The following ADCY9 variants were observed in gnomAD, a reference collection of about 807,000 sequenced individuals.
ADCY9 encodes adenylate cyclase type 9.
ADCY9 carries 50 observed loss-of-function variants against 101.5 expected under a neutral mutation model. The observed-to-expected ratio is 0.49, with a 90% CI of 0.39 to 0.62. The LOEUF (loss-of-function observed/expected upper bound fraction) is 0.62. ADCY9 is among the 20% of genes least tolerant of loss of function. The pLI is 0.00. For missense variants in ADCY9, 1,662 were observed against 1,800.4 expected, an observed-to-expected ratio of 0.92 and a Z score of 1.39; for synonymous variants, 905 against 769.3, an observed-to-expected ratio of 1.18 and a Z score of -2.92.
At chr16:4,081,807 C>A (rs2056904715) in intron 2 of ADCY9, among the ~76,000 whole-genome samples, 1 of 132,384 alleles carries the variant, frequency 7.6e-6, no homozygotes, top group Non-Finnish European at 1.6e-5. Flanking sequence ...TGGGTAAGAG[C>A]AAGAGGGGGG....
chr16:4,097,049 G>C (rs1014983943), intron 2 of ADCY9, among the ~76,000 whole-genome samples: 1 of 152,066 alleles, frequency 6.6e-6, no homozygotes, highest in Admixed American at 6.6e-5. Context: ...ATATTATTAA[G>C]ATAAATATAC....
intron 9 of ADCY9, among the ~76,000 whole-genome samples, chr16:3,976,761 G>A (rs906773455): frequency 1.3e-5 from 2 of 152,130 alleles, no homozygotes; most frequent in Non-Finnish European, 1.5e-5. Context: ...GGGTACAAGC[G>A]GTTCTCCTAC....
chr16:4,086,942 G>A (rs1023653780), intron 2 of ADCY9, among the ~76,000 whole-genome samples: 1 of 152,084 alleles, frequency 6.6e-6, no homozygotes, highest in African/African-American at 2.4e-5. Context: ...TTACAGGCGT[G>A]AGCCACCACG....
chr16:4,084,740 A>G (rs1014326528), intron 2 of ADCY9, among the ~76,000 whole-genome samples: 1 of 151,798 alleles, frequency 6.6e-6, no homozygotes. Flanking sequence ...AAAAACAAAA[A>G]CAAACAAACA....
At chr16:4,075,325 G>C (rs1297214488) in intron 2 of ADCY9, among the ~76,000 whole-genome samples, 1 of 152,196 alleles carries the variant, frequency 6.6e-6, no homozygotes, top group Non-Finnish European at 1.5e-5. Context: ...TTTTAGTAGA[G>C]ATGGGGTTTT....
rs987061398 is a variant in ADCY9 at position 4,070,712 on chromosome 16, G to A, written c.1693+43038C>T. Among the ~76,000 whole-genome samples the A allele has an allele frequency of 4.0e-5, 6 of 151,642 alleles. No homozygotes were observed. The South Asian group carries it at 1.0e-3, about 26-fold the overall frequency. The stretch of plus-strand genomic sequence containing the variant: ...TGTAATCCTATCACTTTGGGAGGCC[G>A]AGGCAGGAGGACTACTTGACCCCAG... On this transcript the variant is annotated intron_variant, in intron 2 of 10. Transcript: ENST00000294016.
At position 3,966,634 on chromosome 16, in the gene ADCY9, C is replaced by CT. The variant is rs1310801475; in HGVS notation, c.3202dup (p.Ser1068LysfsTer26). On this transcript the variant is annotated frameshift_variant, in exon 11 of 11. Coordinates refer to ENST00000294016, the MANE Select transcript of ADCY9 (RefSeq NM_001116.4). LOFTEE classifies it high-confidence loss of function. ...CTCGTAGTTCTCCTCGTAGAACTCGCTGAAGTTGACGATGCTGGCGAAGAT... is the reference window on the plus strand; with the variant it reads ...CTCGTAGTTCTCCTCGTAGAACTCGCTTGAAGTTGACGATGCTGGCGAAGAT... 6.2e-7 allele frequency: 1 copy of CT among 1,614,056 alleles called. No individual in the cohort carries two copies.
intron 2 of ADCY9, among the ~76,000 whole-genome samples, chr16:4,089,040 G>A (rs935638572): frequency 2.6e-5 from 4 of 152,008 alleles, no homozygotes; most frequent in Admixed American, 2.0e-4. Flanking sequence ...GGATTTGCCT[G>A]TAGTTCTAGA....
chr16:4,029,530 C>T (rs112672103), intron 2 of ADCY9, among the ~76,000 whole-genome samples: 5,562 of 152,184 alleles, frequency 0.037, 336 homozygotes, highest in African/African-American at 0.12. Flanking sequence ...GTGGACCACC[C>T]GAGGTCGGGA....
intron 7 of ADCY9, among the ~76,000 whole-genome samples, chr16:3,979,817 C>A (rs1316686808): frequency 2.0e-5 from 3 of 152,380 alleles, no homozygotes; most frequent in Admixed American, 6.5e-5. Flanking sequence ...AGCAGCCAAG[C>A]CCCTGGGCAC....
intron 5 of ADCY9, among the ~76,000 whole-genome samples, chr16:3,957,483 A>G (rs1468490255): frequency 6.9e-6 from 1 of 144,878 alleles, no homozygotes; most frequent in African/African-American, 2.6e-5. Context: ...AGAGTCAGGG[A>G]GGGGGAGGGT....
chr16:4,114,351 C>T lies in ADCY9; in HGVS notation c.1092G>A (p.Ser364=). ...ACTTTTTCTTCCTGTTCTTGGGGCT[C>T]GAGGTGGCATGCCTCTTGACAGAAT... ...SENSVKRHAT[S]SPKNRKKKSS... Residue 364 remains serine, a synonymous_variant, in exon 2 of 11, where the codon TCG becomes TCA. Coordinates refer to ENST00000294016, the MANE Select transcript of ADCY9 (RefSeq NM_001116.4). The surrounding 1 kb of genome is among the most constrained non-coding windows in gnomAD (Gnocchi z 4.3). 1 of 1,614,002 alleles carries T rather than the reference C, an allele frequency of 6.2e-7. No individual in the cohort carries two copies. The highest frequency in any genetic ancestry group is 2.2e-5 in the East Asian group (1 of 44,890).
chr16:3,986,813 G>T (rs1049720965), intron 6 of ADCY9, among the ~76,000 whole-genome samples: 5 of 152,224 alleles, frequency 3.3e-5, no homozygotes, highest in African/African-American at 1.2e-4. Context: ...GCCCAGGCTG[G>T]TCTATCTACT....
intron 2 of ADCY9, among the ~76,000 whole-genome samples, chr16:4,077,061 G>A (rs1484669401): frequency 7.0e-6 from 1 of 141,948 alleles, no homozygotes; most frequent in Non-Finnish European, 1.5e-5. Context: ...TGGGGGACAA[G>A]GTTGAGACTT....
chr16:4,006,294 A>C (rs979281882), intron 3 of ADCY9, among the ~76,000 whole-genome samples: 2 of 152,188 alleles, frequency 1.3e-5, no homozygotes, highest in Non-Finnish European at 2.9e-5. Flanking sequence ...CCAAAATGCC[A>C]GCGGTGCCAA....
intron 2 of ADCY9, among the ~76,000 whole-genome samples, chr16:4,103,986 G>A (rs943840280): frequency 3.3e-5 from 5 of 152,152 alleles, no homozygotes; most frequent in South Asian, 2.1e-4. Context: ...AAAGCACAGC[G>A]GTCCTGGAGA....
rs770911249 is a variant in ADCY9 at position 3,963,658 on chromosome 16, C to T, written c.*2117G>A. ...GAAGAAGTGTGTGCGGAGAACTTTG[C>T]GGAGCATGTTCTGAGCGAGACAGCA... On this transcript the variant is annotated 3_prime_UTR_variant, in exon 11 of 11. Coordinates refer to ENST00000294016, the MANE Select transcript of ADCY9 (RefSeq NM_001116.4). The T allele has an allele frequency of 3.0e-4, 87 of 287,088 alleles. No individual in the cohort carries two copies. Among genetic ancestry groups the T allele is most frequent in the Non-Finnish European group, 4.8e-4 (75 of 155,458 alleles). 17.8% of individuals were successfully genotyped at this position (287,088 alleles called of 1,614,324 possible).
At chr16:4,085,930 G>A (rs999720486) in intron 2 of ADCY9, among the ~76,000 whole-genome samples, 4 of 151,692 alleles carry the variant, frequency 2.6e-5, no homozygotes, top group African/African-American at 7.3e-5. Context: ...GGTGGTGTGC[G>A]GACATCCATT....
At chr16:4,087,851 TTTTC>T (rs1001588984) in intron 2 of ADCY9, among the ~76,000 whole-genome samples, 6 of 147,980 alleles carry the variant, frequency 4.1e-5, no homozygotes, top group Admixed American at 3.3e-4. Context: ...CTTCTTTCTC[TTTTC>T]TTTGTTTCTC....
Sources: gnomAD v4.1 joint callset for allele counts (sites outside exome capture counted in the v4.1 genomes callset) on GRCh38, gnomAD v4.1.1 for gene constraint, Gnocchi (gnomAD v3.1) non-coding constraint, MANE v1.5 for transcripts, NCBI Gene and HGNC (gene_info 2026-07-23, HGNC 2026-07-21) for gene names.